Variants in SMG6 observed in about 807,000 individuals in gnomAD.
SMG6 encodes telomerase-binding protein EST1A.
Under a neutral mutation model 142.2 loss-of-function variants are expected in SMG6, and 66 were observed. The ratio of observed to expected loss-of-function variants is 0.46; its 90% CI spans 0.38 to 0.57. The LOEUF is 0.57. Among genes scored for constraint, SMG6 ranks in the 20% least tolerant of loss-of-function variants. The probability of loss-of-function intolerance (pLI) is 0.00; values close to 1 mark genes in which losing one functional copy is unlikely to be tolerated. For synonymous variants in SMG6, 779 were observed against 702.4 expected (o/e 1.11, Z -1.72); for missense variants, 1,793 against 1,832.0 (o/e 0.98, Z 0.39).
At chr17:2,131,578 G>A (rs1368927420) in intron 13 of SMG6, among the ~76,000 whole-genome samples, 1 of 152,134 alleles carries the variant, frequency 6.6e-6, no homozygotes. Context: ...GGGATTCCAG[G>A]CATGAGCCCC....
intron 13 of SMG6, among the ~76,000 whole-genome samples, chr17:2,118,476 T>C (rs1214504114): frequency 6.6e-6 from 1 of 151,988 alleles, no homozygotes; most frequent in Non-Finnish European, 1.5e-5. Flanking sequence ...GGAGTAGAGG[T>C]AGCAGTGAGC....
intron 10 of SMG6, among the ~76,000 whole-genome samples, chr17:2,202,864 A>G (rs2072572801): frequency 6.6e-6 from 1 of 152,196 alleles, no homozygotes; most frequent in African/African-American, 2.4e-5. Context: ...CTCGCCCTCC[A>G]TCAGGTTGAT....
intron 13 of SMG6, among the ~76,000 whole-genome samples, chr17:2,164,551 C>G (rs373880616): frequency 4.6e-5 from 7 of 151,334 alleles, no homozygotes; most frequent in Admixed American, 4.6e-4. Context: ...GAGGTTGCAG[C>G]GTGCCGAGAT....
intron 8 of SMG6, chr17:2,255,603 G>C (rs1169710854): frequency 1.3e-5 from 2 of 158,066 alleles, no homozygotes; most frequent in Non-Finnish European, 2.7e-5. Flanking sequence ...CCGTCCGGGA[G>C]GTGGGGGGCA....
intron 8 of SMG6, among the ~76,000 whole-genome samples, chr17:2,248,608 G>A (rs746796961): frequency 6.6e-6 from 1 of 152,130 alleles, no homozygotes; most frequent in Non-Finnish European, 1.5e-5. Context: ...TGGGAGTGAA[G>A]AAAATCTCAG....
intron 10 of SMG6, among the ~76,000 whole-genome samples, chr17:2,224,947 A>G (rs1054730320): frequency 6.6e-6 from 1 of 152,246 alleles, no homozygotes; most frequent in Non-Finnish European, 1.5e-5. Flanking sequence ...GTGAAAGCCC[A>G]AAGATGTAGT....
At chr17:2,261,544 C>A (rs1008176559) in intron 8 of SMG6, among the ~76,000 whole-genome samples, 4 of 152,162 alleles carry the variant, frequency 2.6e-5, no homozygotes, top group Admixed American at 6.6e-5. Context: ...CCAATAAATA[C>A]CCTTTGCCCC....
chr17:2,279,808 G>A (rs2151375659), intron 8 of SMG6, among the ~76,000 whole-genome samples: 1 of 152,266 alleles, frequency 6.6e-6, no homozygotes, highest in Admixed American at 6.5e-5. Context: ...ACTACTCGCA[G>A]TTCCTGAAGC....
At chr17:2,253,402 C>A (rs2074093681) in intron 8 of SMG6, among the ~76,000 whole-genome samples, 1 of 152,054 alleles carries the variant, frequency 6.6e-6, no homozygotes, top group Non-Finnish European at 1.5e-5. Flanking sequence ...CTCGGTCTCC[C>A]AAAGTAGCCT....
intron 13 of SMG6, among the ~76,000 whole-genome samples, chr17:2,105,905 C>G (rs941723315): frequency 3.9e-5 from 6 of 152,200 alleles, no homozygotes; most frequent in African/African-American, 1.4e-4. Flanking sequence ...CAGCCTTGAA[C>G]TTTTCTACTG....
At chr17:2,200,479 G>T (rs953843282) in intron 10 of SMG6, among the ~76,000 whole-genome samples, 2 of 151,302 alleles carry the variant, frequency 1.3e-5, no homozygotes, top group African/African-American at 4.9e-5. Context: ...ATTTACATTG[G>T]GTGTATCTCC....
rs747854594 is a variant in SMG6, at chr17:2,277,161, ATTTATTTTTTAT to A, written c.2661+5474_2661+5485del. On this transcript the variant is annotated intron_variant, in intron 8 of 18. Transcript: ENST00000263073. Reference sequence around the variant, plus strand: ...TATTTATTTATTTATTTATTTATTTATTTATTTTTTATTTTTTTTTTTTTTGAGACAGAGTCT... The same window carrying A: ...TATTTATTTATTTATTTATTTATTTATTTTTTTTTTTTTGAGACAGAGTCT... Among the ~76,000 whole-genome samples, 247 of 65,100 alleles carry A rather than the reference ATTTATTTTTTAT, an allele frequency of 3.8e-3. 2 individuals carry two copies. The highest frequency in any genetic ancestry group is 9.1e-3 in the Middle Eastern group (1 of 110). The allele number at this position is 65,100 out of a possible 152,430, so 42.7% of individuals were successfully genotyped here.
intron 10 of SMG6, among the ~76,000 whole-genome samples, chr17:2,210,640 C>T (rs1597608446): frequency 6.6e-6 from 1 of 151,604 alleles, no homozygotes; most frequent in South Asian, 2.1e-4. Context: ...TGCTGATATA[C>T]TGGATGCTGC....
chr17:2,292,594 A>G lies in SMG6; in HGVS notation c.2295T>C (p.Asn765=), dbSNP rs753339090. ...AAGCCAACTGGTTATAGGGGCGCCC[A>G]TTCTTGGGAGCAATGTGCTGGGCCT... ...YLKAQHIAPK[N]GRPYNQLALL... Residue 765 remains asparagine, a synonymous_variant, in exon 6 of 19, where the codon AAT becomes AAC. Transcript: ENST00000263073. The G allele has an allele frequency of 1.2e-6, 2 of 1,614,196 alleles. No homozygotes were observed. The highest frequency in any genetic ancestry group is 1.7e-6 in the Non-Finnish European group (2 of 1,180,022).
At chr17:2,107,655 C>T (rs1243130837) in intron 13 of SMG6, among the ~76,000 whole-genome samples, 1 of 152,132 alleles carries the variant, frequency 6.6e-6, no homozygotes, top group Non-Finnish European at 1.5e-5. Flanking sequence ...TCTTAAACAG[C>T]TCTGATGGAA....
intron 13 of SMG6, among the ~76,000 whole-genome samples, chr17:2,129,545 G>A: frequency 6.6e-6 from 1 of 152,048 alleles, no homozygotes; most frequent in East Asian, 1.9e-4. Flanking sequence ...TGTAATCCCA[G>A]CACTTCGCGA....
At chr17:2,236,706 C>G (rs2078946849) in intron 9 of SMG6, 69 bp from the exon 10 acceptor site, 1 of 43,398 alleles carries the variant, frequency 2.3e-5, no homozygotes, top group Non-Finnish European at 3.1e-5. Context: ...CTGTCTCACA[C>G]ACACACACAC....
At position 2,071,128 on chromosome 17, in the gene SMG6, CAG is replaced by C. The variant is rs1188631813; in HGVS notation, c.3682-2199_3682-2198del. On this transcript the variant is annotated intron_variant, in intron 15 of 18. Coordinates refer to ENST00000263073, the MANE Select transcript of SMG6 (RefSeq NM_017575.5). This position sits in a 1 kb window ranked among gnomAD's most constrained non-coding sequence, Gnocchi z 5.6. ...GTGGGAGCAGTGGCAGCTGGAGTGA[CAG>C]GGGCTGGGGGTCCGGCTCTGCACTG... 2.0e-5 allele frequency among the ~76,000 whole-genome samples: 3 copies of C among 152,204 alleles called. No homozygotes were observed. Among genetic ancestry groups the C allele is most frequent in the South Asian group, 2.1e-4 (1 of 4,828 alleles).
At chr17:2,132,776 A>G (rs2070164806) in intron 13 of SMG6, among the ~76,000 whole-genome samples, 2 of 152,138 alleles carry the variant, frequency 1.3e-5, no homozygotes, top group African/African-American at 4.8e-5. Flanking sequence ...GAAAAACAAG[A>G]AGGCACATTA....
Sources: gnomAD v4.1 joint callset for allele counts (sites outside exome capture counted in the v4.1 genomes callset) on GRCh38, gnomAD v4.1.1 for gene constraint, Gnocchi (gnomAD v3.1) non-coding constraint, MANE v1.5 for transcripts, NCBI Gene and HGNC (gene_info 2026-07-23, HGNC 2026-07-21) for gene names.